The following ROS1 variants were observed in gnomAD, a reference collection of about 807,000 sequenced individuals.
The protein encoded by ROS1 is ROS proto-oncogene 1, receptor tyrosine kinase.
A neutral mutation model predicts 273.5 loss-of-function variants in ROS1; 263 were observed. The ratio of observed to expected loss-of-function variants is 0.96; its 90% confidence interval spans 0.87 to 1.06. ROS1 has a LOEUF of 1.06. Among genes scored for constraint, ROS1 ranks in the 50% least tolerant of loss-of-function variants. The probability of loss-of-function intolerance (pLI) is 0.00; values close to 1 mark genes in which losing one functional copy is unlikely to be tolerated. For synonymous variants in ROS1, 1,008 were observed against 954.1 expected, an observed-to-expected ratio of 1.06 and a Z score of -1.04; for missense variants, 2,833 against 2,751.1, an observed-to-expected ratio of 1.03 and a Z score of -0.67.
At chr6:117,372,198 G>GC (rs1780849510) in intron 18 of ROS1, among the ~76,000 whole-genome samples, 1 of 152,148 alleles carries the variant, frequency 6.6e-6, no homozygotes, top group Admixed American at 6.5e-5. Context: ...AGACAAGGAT[G>GC]CCCAGTCACA....
At chr6:117,385,643 T>C (rs1463394472) in intron 16 of ROS1, 40 bp downstream of exon 16, 2 of 1,584,482 alleles carry the variant, frequency 1.3e-6, no homozygotes, top group Non-Finnish European at 1.7e-6. Flanking sequence ...AGTGGATAAG[T>C]ATCATTCTAG....
At chr6:117,358,219 A>T (rs1779491417) in intron 24 of ROS1, among the ~76,000 whole-genome samples, 3 of 151,840 alleles carry the variant, frequency 2.0e-5, no homozygotes, top group African/African-American at 7.3e-5. Flanking sequence ...ACTGCAATCT[A>T]CAAACCAGTG....
chr6:117,367,937 C>A (rs2128665250), intron 18 of ROS1, among the ~76,000 whole-genome samples: 1 of 152,268 alleles, frequency 6.6e-6, no homozygotes, highest in South Asian at 2.1e-4. Context: ...TTTTTCTCCC[C>A]ATTGAACCAC....
At chr6:117,392,523 T>C (rs1773148478) in intron 12 of ROS1, among the ~76,000 whole-genome samples, 2 of 152,212 alleles carry the variant, frequency 1.3e-5, no homozygotes, top group Admixed American at 1.3e-4. Flanking sequence ...TATTCATATA[T>C]ATCTGGAGTT....
Position 117,365,131 on chromosome 6 carries a change from A to G in ROS1, c.3032T>C (p.Leu1011Pro). The G allele has an allele frequency of 6.2e-7, 1 of 1,613,692 alleles. No homozygotes were observed. The highest frequency in any genetic ancestry group is 8.5e-7 in the Non-Finnish European group (1 of 1,179,624). The change falls in exon 21 of 44, where the codon CTT (leucine) becomes CCT (proline). Residue 1011 changes from leucine to proline, a missense_variant. Transcript: ENST00000368507. ...EGLEPYALFN[L>P]SVTPYTYWGK... Reference sequence around the variant, plus strand: ...CCAGTAGGTATAAGGAGTGACAGAAAGATTAAATAAGGCATAAGGTTCCAG... The same window carrying G: ...CCAGTAGGTATAAGGAGTGACAGAAGGATTAAATAAGGCATAAGGTTCCAG...
At chr6:117,417,949 T>A (rs1229423914) in intron 2 of ROS1, among the ~76,000 whole-genome samples, 2 of 152,208 alleles carry the variant, frequency 1.3e-5, no homozygotes, top group African/African-American at 4.8e-5. Context: ...ATTTTATGCA[T>A]ATGTCTGTCT....
intron 24 of ROS1, 42 bp from the exon 25 acceptor site, chr6:117,358,051 A>G: frequency 1.5e-6 from 2 of 1,374,196 alleles, no homozygotes; most frequent in Non-Finnish European, 2.0e-6. Context: ...GAGAGTGGTT[A>G]TTTTTTTATT....
Position 117,373,902 on chromosome 6 carries a change from C to T in ROS1, c.2582+5157G>A, listed in dbSNP as rs888051400. Among the ~76,000 whole-genome samples the T allele has an allele frequency of 9.2e-5, 14 of 152,326 alleles. No homozygotes were observed. In the South Asian group the frequency reaches 1.7e-3, roughly 18 times the overall value. ...CAAATCAATAATTCAACCCCTTTTA[C>T]AATAGCTGCAAAAATATACTCACAA... On this transcript the variant is annotated intron_variant, in intron 18 of 43. Coordinates refer to ENST00000368507, the MANE Select transcript of ROS1 (RefSeq NM_001378902.1).
chr6:117,350,980 T>C (rs898769536), intron 27 of ROS1, among the ~76,000 whole-genome samples: 1 of 152,216 alleles, frequency 6.6e-6, no homozygotes, highest in African/African-American at 2.4e-5. Flanking sequence ...CCCTGCCATA[T>C]TTAAATGATT....
intron 27 of ROS1, among the ~76,000 whole-genome samples, chr6:117,349,460 T>C (rs955342049): frequency 2.0e-5 from 3 of 152,024 alleles, no homozygotes; most frequent in Non-Finnish European, 4.4e-5. Flanking sequence ...TGTGTCTTTA[T>C]ATTTAAAGTG....
chr6:117,398,187 A>C (rs1173531533), intron 7 of ROS1, among the ~76,000 whole-genome samples: 2 of 152,178 alleles, frequency 1.3e-5, no homozygotes. Context: ...CATTAGGGTC[A>C]ATGCCCAAAT....
chr6:117,366,935 A>T (rs1316508695), intron 18 of ROS1, among the ~76,000 whole-genome samples: 1 of 152,196 alleles, frequency 6.6e-6, no homozygotes, highest in Non-Finnish European at 1.5e-5. Flanking sequence ...GATTCTCATT[A>T]CTTCATTAGT....
chr6:117,383,625 A>T, intron 16 of ROS1, 117 bp from the exon 17 acceptor site: 2 of 817,840 alleles, frequency 2.4e-6, no homozygotes, highest in Non-Finnish European at 4.0e-6. Context: ...TCAACCACAA[A>T]TAGTGATTGG....
intron 7 of ROS1, among the ~76,000 whole-genome samples, chr6:117,401,401 G>A (rs9401005): frequency 0.064 from 9,694 of 152,244 alleles, 384 homozygotes; most frequent in Middle Eastern, 0.099. Context: ...GTATGGCCCT[G>A]TGCGACCAAG....
chr6:117,319,140 A>G (rs1776110031), intron 37 of ROS1, among the ~76,000 whole-genome samples: 1 of 152,122 alleles, frequency 6.6e-6, no homozygotes, highest in Admixed American at 6.6e-5. Context: ...TACATAAAAG[A>G]TTCATCCTCC....
At chr6:117,404,108 G>T (rs943988605) in intron 6 of ROS1, among the ~76,000 whole-genome samples, 172 bp downstream of exon 6, 1 of 152,116 alleles carries the variant, frequency 6.6e-6, no homozygotes, top group African/African-American at 2.4e-5. Context: ...GATGGCGGGC[G>T]CCTGTGGGCG....
chr6:117,388,037 G>A (rs1772739436), intron 13 of ROS1, 45 bp from the exon 14 acceptor site: 2 of 1,611,342 alleles, frequency 1.2e-6, no homozygotes, highest in Non-Finnish European at 8.5e-7. Context: ...GATGACATCT[G>A]CAAGGGCAAA....
At chr6:117,361,228 A>G (rs910572184) in intron 22 of ROS1, among the ~76,000 whole-genome samples, 1 of 152,038 alleles carries the variant, frequency 6.6e-6, no homozygotes, top group Non-Finnish European at 1.5e-5. Context: ...ATTATGTAAT[A>G]AATTATTTCC....
rs1304686859 is a variant in ROS1 at position 117,362,641 on chromosome 6, G to C, written c.3328C>G (p.Leu1110Val). Reference sequence around the variant, plus strand: ...AAGCATCTGGGACTCATGCCTTCAAGTTGAAAAGACATCACTGAGGGAGTG... The same window carrying C: ...AAGCATCTGGGACTCATGCCTTCAACTTGAAAAGACATCACTGAGGGAGTG... ...NVTPSVMSFQ[L>V]EGMSPRCFIA... Residue 1110 changes from leucine to valine, a missense_variant, in exon 22 of 44, where the codon CTT becomes GTT. By Grantham distance (32) the Leu-to-Val change is conservative. Transcript: ENST00000368507. 1 of 1,613,588 alleles carries C rather than the reference G, an allele frequency of 6.2e-7. No homozygotes were observed. The highest frequency in any genetic ancestry group is 1.1e-5 in the South Asian group (1 of 91,050).
Sources: allele counts gnomAD v4.1 joint callset (sites outside exome capture counted in the v4.1 genomes callset), GRCh38; gene constraint gnomAD v4.1.1; transcripts MANE v1.5; gene names NCBI Gene and HGNC (gene_info 2026-07-23, HGNC 2026-07-21).